The following IQCM variants were observed in gnomAD, a reference collection of about 807,000 sequenced individuals.
The protein encoded by IQCM is IQ domain-containing protein M.
A neutral mutation model predicts 57.6 loss-of-function variants in IQCM; 45 were observed. The observed-to-expected ratio is 0.78, with a 90% CI of 0.62 to 1.00. The LOEUF (loss-of-function observed/expected upper bound fraction) is 1.00. Among genes scored for constraint, IQCM ranks in the 50% least tolerant of loss-of-function variants. The pLI is 0.00. For missense variants in IQCM, 468 were observed against 511.6 expected (o/e 0.91, Z 0.82); for synonymous variants, 148 against 158.9 (o/e 0.93, Z 0.51).
intron 7 of IQCM, among the ~76,000 whole-genome samples, chr4:149,631,773 G>GA (rs1757286950): frequency 6.6e-6 from 1 of 152,108 alleles, no homozygotes; most frequent in South Asian, 2.1e-4. Context: ...ACCTCTTAAG[G>GA]AATGTTATTC....
rs1735066728 is a variant in IQCM, at chr4:149,433,560, A to G, written c.1229-3T>C. The G allele has an allele frequency of 2.8e-6, 3 of 1,079,982 alleles. No homozygotes were observed. The highest frequency in any genetic ancestry group is 1.6e-5 in the African/African-American group (1 of 61,188). 66.9% of individuals were successfully genotyped at this position (1,079,982 alleles called of 1,614,324 possible). On this transcript the variant is annotated splice_region_variant and splice_polypyrimidine_tract_variant and intron_variant, in intron 12 of 13. Transcript: ENST00000636793. ...TTCAGAATATTTTTCTTTGCCATCT[A>G]TAAAGAAAAGATAAAATATATAAAA... is the stretch of plus-strand genomic sequence containing the variant.
At chr4:149,611,239 T>C (rs1429989791) in intron 8 of IQCM, among the ~76,000 whole-genome samples, 1 of 151,608 alleles carries the variant, frequency 6.6e-6, no homozygotes, top group African/African-American at 2.4e-5. Flanking sequence ...AAATGAAAAA[T>C]GTAAATTACT....
chr4:149,713,219 C>A (rs1251514776), intron 5 of IQCM, among the ~76,000 whole-genome samples: 1 of 152,118 alleles, frequency 6.6e-6, no homozygotes, highest in East Asian at 1.9e-4. Context: ...GGACCCCCTA[C>A]CAGGCCCTGT....
In IQCM at chr4:149,490,846, G is replaced by A. The variant is rs558137612; in HGVS notation, c.1229-57289C>T. Among the ~76,000 whole-genome samples, 237 of 152,108 alleles carry A rather than the reference G, an allele frequency of 1.6e-3. 2 individuals carry two copies. The highest frequency in any genetic ancestry group is 0.014 in the Admixed American group (217 of 15,262). ...ATCCTTGGTAACGCTAATCACAATC[G>A]CCCGTGACCTGGATGATTTCTCCAC... On this transcript the variant is annotated intron_variant, in intron 12 of 13. Transcript: ENST00000636793.
At position 149,458,799 on chromosome 4, in the gene IQCM, T is replaced by C. The variant is rs927084789; in HGVS notation, c.1229-25242A>G. Among the ~76,000 whole-genome samples, 3 of 152,150 alleles carry C rather than the reference T, an allele frequency of 2.0e-5. No individual in the cohort carries two copies. In the South Asian group the frequency reaches 6.2e-4, roughly 31 times the overall value. ...AAAAATTTAGTAATTGATTAATAGGTTGCAAGCAGATATAATCTATAAAAA... is the reference window on the plus strand; with the variant it reads ...AAAAATTTAGTAATTGATTAATAGGCTGCAAGCAGATATAATCTATAAAAA... On this transcript the variant is annotated intron_variant, in intron 12 of 13. Coordinates refer to ENST00000636793, the MANE Select transcript of IQCM (RefSeq NM_001363507.2).
rs1444256807 is a variant in IQCM, at chr4:149,736,147, C to T, written c.38-689G>A. ...ACTTATTGTAGAGATGGGGTTTCACCATGCTGCCCAGGCTGGTCTCGAACT... is the reference window on the plus strand; with the variant it reads ...ACTTATTGTAGAGATGGGGTTTCACTATGCTGCCCAGGCTGGTCTCGAACT... On this transcript the variant is annotated intron_variant, in intron 3 of 13. Transcript: ENST00000636793. 6.4e-3 allele frequency among the ~76,000 whole-genome samples: 979 copies of T among 152,102 alleles called. 15 individuals carry two copies. The highest frequency in any genetic ancestry group is 0.021 in the African/African-American group (890 of 41,492).
intron 12 of IQCM, among the ~76,000 whole-genome samples, chr4:149,462,183 A>G (rs1294975289): frequency 6.6e-6 from 1 of 152,146 alleles, no homozygotes; most frequent in Non-Finnish European, 1.5e-5. Context: ...TCTGGAGTGG[A>G]GCCTGAGATT....
chr4:149,648,721 A>G (rs1307616804), intron 7 of IQCM, among the ~76,000 whole-genome samples: 2 of 152,014 alleles, frequency 1.3e-5, no homozygotes, highest in East Asian at 1.9e-4. Context: ...ACACAGGAAG[A>G]GGAACATCAC....
At chr4:149,790,183 G>A in intron 2 of IQCM, 2 of 437,182 alleles carry the variant, frequency 4.6e-6, no homozygotes, top group South Asian at 5.0e-5. Flanking sequence ...AGAAAGTTTG[G>A]GAAGAACATG....
intron 2 of IQCM, among the ~76,000 whole-genome samples, chr4:149,806,800 GA>G (rs1441580117): frequency 6.6e-6 from 1 of 151,748 alleles, no homozygotes; most frequent in Non-Finnish European, 1.5e-5. Flanking sequence ...AAAAGCAAAG[GA>G]AGGATAAACA....
chr4:149,702,172 CTAAG>C (rs1198725551), intron 5 of IQCM, among the ~76,000 whole-genome samples: 6 of 151,890 alleles, frequency 4.0e-5, no homozygotes, highest in Admixed American at 6.6e-5. Flanking sequence ...TGATAACACA[CTAAG>C]TAAGATATTC....
At chr4:149,423,056 T>C (rs1423996909) in intron 13 of IQCM, among the ~76,000 whole-genome samples, 1 of 152,052 alleles carries the variant, frequency 6.6e-6, no homozygotes, top group Non-Finnish European at 1.5e-5. Flanking sequence ...TTTTTAATTA[T>C]CATTATTTTA....
chr4:149,561,287 C>G (rs990598879), intron 10 of IQCM, among the ~76,000 whole-genome samples: 1 of 152,020 alleles, frequency 6.6e-6, no homozygotes, highest in Admixed American at 6.6e-5. Flanking sequence ...CTTTCTCTCT[C>G]AATTTTTTAG....
intron 2 of IQCM, among the ~76,000 whole-genome samples, chr4:149,771,684 TTGTG>T (rs200704003): frequency 2.0e-5 from 3 of 152,042 alleles, no homozygotes; most frequent in African/African-American, 7.2e-5. Context: ...TATCCTAAGT[TTGTG>T]TGTGTGTCTG....
chr4:149,721,103 G>T (rs540952699), intron 5 of IQCM, among the ~76,000 whole-genome samples: 2 of 152,020 alleles, frequency 1.3e-5, no homozygotes, highest in Admixed American at 6.6e-5. Context: ...TCAACTAATG[G>T]CAGGTTGAAA....
At chr4:149,592,895 C>T (rs1753347264) in intron 8 of IQCM, among the ~76,000 whole-genome samples, 1 of 152,122 alleles carries the variant, frequency 6.6e-6, no homozygotes, top group Non-Finnish European at 1.5e-5. Flanking sequence ...TAGTGTGATG[C>T]CTCCAGCTTT....
chr4:149,557,754 C>T (rs983825385), intron 10 of IQCM, among the ~76,000 whole-genome samples: 2 of 152,176 alleles, frequency 1.3e-5, no homozygotes, highest in Non-Finnish European at 2.9e-5. Flanking sequence ...TAACGCTAAT[C>T]TTGTCAAGTA....
chr4:149,502,800 G>C (rs1743397487), intron 12 of IQCM, among the ~76,000 whole-genome samples: 1 of 152,182 alleles, frequency 6.6e-6, no homozygotes, highest in Admixed American at 6.5e-5. Flanking sequence ...CATCCTGACA[G>C]AATGTAGAGG....
chr4:149,531,761 G>T (rs1375220048), intron 12 of IQCM, among the ~76,000 whole-genome samples: 1 of 151,940 alleles, frequency 6.6e-6, no homozygotes, highest in African/African-American at 2.4e-5. Flanking sequence ...CCTCAGAGGA[G>T]ACTGCATACT....
Sources: gnomAD v4.1 joint callset for allele counts (sites outside exome capture counted in the v4.1 genomes callset) on GRCh38, gnomAD v4.1.1 for gene constraint, MANE v1.5 for transcripts, NCBI Gene and HGNC (gene_info 2026-07-23, HGNC 2026-07-21) for gene names.